CYP2B6: variants seen among roughly 807,000 people sequenced by gnomAD.
The protein encoded by CYP2B6 is cytochrome P450 family 2 subfamily B member 6.
Under a neutral mutation model 43.4 loss-of-function variants are expected in CYP2B6, and 35 were observed. The observed-to-expected ratio is 0.81, with a 90% CI of 0.62 to 1.07. The LOEUF (loss-of-function observed/expected upper bound fraction) is 1.07. Ranked by LOEUF, CYP2B6 falls within the 50% of genes least tolerant of loss-of-function variation. The pLI is 0.00. For missense variants in CYP2B6, 624 were observed against 632.8 expected, an observed-to-expected ratio of 0.99 and a Z score of 0.15; for synonymous variants, 239 against 239.2, an observed-to-expected ratio of 1.00 and a Z score of 0.01.
At chr19:41,002,810 T>C (rs62109056) in intron 1 of CYP2B6, among the ~76,000 whole-genome samples, 1 of 152,060 alleles carries the variant, frequency 6.6e-6, no homozygotes, top group Admixed American at 6.6e-5. Flanking sequence ...GCCTCCCAAA[T>C]TGCTGGGATT....
intron 1 of CYP2B6, among the ~76,000 whole-genome samples, chr19:41,001,739 G>T (rs918994885): frequency 4.6e-5 from 7 of 152,114 alleles, no homozygotes; most frequent in African/African-American, 1.2e-4. Flanking sequence ...AAATAGTCTA[G>T]GAATTGATGA....
At chr19:41,002,294 A>G (rs1304903565) in intron 1 of CYP2B6, among the ~76,000 whole-genome samples, 1 of 152,126 alleles carries the variant, frequency 6.6e-6, no homozygotes, top group East Asian at 1.9e-4. Context: ...CTTTGCAGAG[A>G]TCAATGCAGG....
chr19:40,998,530 G>A (rs1369535415), intron 1 of CYP2B6, among the ~76,000 whole-genome samples: 34 of 145,676 alleles, frequency 2.3e-4, no homozygotes, highest in Admixed American at 2.1e-3. Context: ...CCACTAACTC[G>A]TCATCTAGCA....
intron 8 of CYP2B6, among the ~76,000 whole-genome samples, chr19:41,015,002 T>G (rs1001170807): frequency 1.3e-3 from 202 of 150,768 alleles, no homozygotes; most frequent in African/African-American, 4.7e-3. Context: ...AAAGAAAGAA[T>G]GAGAGAGAAA....
Position 40,991,484 on chromosome 19 carries a change from A to G in CYP2B6, c.171+8A>G, listed in dbSNP as rs767790930. 5.6e-6 allele frequency: 9 copies of G among 1,613,344 alleles called. No homozygotes were observed. In the East Asian group the frequency reaches 1.8e-4, roughly 32 times the overall value. On this transcript the variant is annotated splice_region_variant and intron_variant, in intron 1 of 8. Coordinates refer to ENST00000324071, the MANE Select transcript of CYP2B6 (RefSeq NM_000767.5). ...CTCAAATCCTTTCTGAGGGTAAGAC[A>G]CAGACGAATGGGGTCTGAGGGTGAG... is the stretch of plus-strand genomic sequence containing the variant.
Position 41,009,998 on chromosome 19 carries a change from A to T in CYP2B6, c.827A>T (p.Lys276Ile). The stretch of plus-strand genomic sequence containing the variant: ...CCTTCCCTACTGTGGACGCAGGAGA[A>T]ATCCAACGCACACAGTGAATTCAGC... The part of the protein sequence containing the change: ...DTYLLHMEKE[K>I]SNAHSEFSHQ... The change falls in exon 6 of 9, where the codon AAA becomes ATA. Residue 276 changes from lysine to isoleucine, a missense_variant. Lys to Ile is a moderately radical substitution (Grantham distance 102). Coordinates refer to ENST00000324071, the MANE Select transcript of CYP2B6 (RefSeq NM_000767.5). 1 of 1,614,078 alleles carries T rather than the reference A, an allele frequency of 6.2e-7. No individual in the cohort carries two copies. Among genetic ancestry groups the T allele is most frequent in the Non-Finnish European group, 8.5e-7 (1 of 1,180,014 alleles).
intron 1 of CYP2B6, among the ~76,000 whole-genome samples, chr19:40,994,272 T>C (rs115944946): frequency 0.014 from 2,205 of 152,224 alleles, 31 homozygotes; most frequent in Middle Eastern, 0.034. Context: ...GTTCTGGACC[T>C]GTGAGGAGAA....
At chr19:40,995,685 AT>A (rs1444424059) in intron 1 of CYP2B6, among the ~76,000 whole-genome samples, 4 of 152,322 alleles carry the variant, frequency 2.6e-5, no homozygotes, top group Non-Finnish European at 4.4e-5. Flanking sequence ...CTCTATTACT[AT>A]TTTACAAGAG....
intron 7 of CYP2B6, 48 bp from the exon 8 acceptor site, chr19:41,012,626 G>A (rs1409670646): frequency 1.2e-6 from 2 of 1,612,852 alleles, no homozygotes; most frequent in African/African-American, 1.3e-5. Flanking sequence ...AGTGTGTGGA[G>A]GGTTGGAGGG....
At chr19:41,012,276 A>G in intron 6 of CYP2B6, 22 bp from the exon 7 acceptor site, 2 of 1,612,688 alleles carry the variant, frequency 1.2e-6, no homozygotes, top group Non-Finnish European at 1.7e-6. Flanking sequence ...AATGAGATTC[A>G]TTGGTCTTCT....
rs760463009 is a variant in CYP2B6, at chr19:41,010,048, C to T, written c.877C>T (p.Leu293Phe). 11 of 1,614,168 alleles carry T rather than the reference C, an allele frequency of 6.8e-6. No individual in the cohort carries two copies. The highest frequency in any genetic ancestry group is 1.6e-4 in the Middle Eastern group (1 of 6,062). ...FSHQNLNLNT[L>F]SLFFAGTETT... is the part of the protein sequence containing the mutation. The stretch of plus-strand genomic sequence containing the variant: ...CCACCAGAACCTCAACCTCAACACG[C>T]TCTCGCTCTTCTTTGCTGGCACTGA... The change falls in exon 6 of 9, where the codon CTC (leucine) becomes TTC (phenylalanine). Residue 293 changes from leucine to phenylalanine, a missense_variant. Physicochemically the swap from Leu to Phe is conservative, Grantham distance 22. Transcript: ENST00000324071.
intron 1 of CYP2B6, among the ~76,000 whole-genome samples, chr19:41,001,520 C>A (rs1969087353): frequency 1.3e-5 from 2 of 152,074 alleles, no homozygotes; most frequent in South Asian, 4.1e-4. Flanking sequence ...CAGATTCAAC[C>A]CGTATGCATT....
chr19:41,016,886 A>C lies in CYP2B6; in HGVS notation c.*59A>C. ...GGTCATTCAGTGTCCCCGCCTCTGT[A>C]GACAATGGCTCTGACTCCCCGCAAC... is the stretch of plus-strand genomic sequence containing the variant. On this transcript the variant is annotated 3_prime_UTR_variant, in exon 9 of 9. Coordinates refer to ENST00000324071, the MANE Select transcript of CYP2B6 (RefSeq NM_000767.5). 1 of 1,569,168 alleles carries C rather than the reference A, an allele frequency of 6.4e-7. No individual in the cohort carries two copies. Among genetic ancestry groups the C allele is most frequent in the Non-Finnish European group, 8.7e-7 (1 of 1,151,588 alleles).
At chr19:40,994,130 A>T (rs1487682987) in intron 1 of CYP2B6, among the ~76,000 whole-genome samples, 1 of 152,094 alleles carries the variant, frequency 6.6e-6, no homozygotes. Flanking sequence ...ACAGAAACCA[A>T]CTTATCTTCG....
intron 1 of CYP2B6, among the ~76,000 whole-genome samples, chr19:41,002,629 C>T (rs1384456928): frequency 6.6e-6 from 1 of 152,128 alleles, no homozygotes; most frequent in Non-Finnish European, 1.5e-5. Flanking sequence ...CTCACTGCAA[C>T]CTCCGCCTCC....
Position 40,991,460 on chromosome 19 carries a change from T to C in CYP2B6, c.155T>C (p.Leu52Pro), listed in dbSNP as rs151274228. ...CTGCAGATGGATAGAAGAGGCCTAC[T>C]CAAATCCTTTCTGAGGGTAAGACAC... ...NLLQMDRRGL[L>P]KSFLRFREKY... is the part of the protein sequence containing the mutation. Residue 52 changes from leucine to proline, a missense_variant, in exon 1 of 9, where the codon CTC (leucine) becomes CCC (proline). Transcript: ENST00000324071. 8.1e-6 allele frequency: 13 copies of C among 1,613,722 alleles called. No individual in the cohort carries two copies. The highest frequency in any genetic ancestry group is 1.1e-5 in the Non-Finnish European group (13 of 1,180,026).
rs558958052 is a variant in CYP2B6, at chr19:40,997,437, C to T, written c.171+5961C>T. Among the ~76,000 whole-genome samples, 15 of 152,156 alleles carry T rather than the reference C, an allele frequency of 9.9e-5. No individual in the cohort carries two copies. The East Asian group carries it at 2.3e-3, about 23-fold the overall frequency. ...TGACCATACTCCTGAATCTTAGGCT[C>T]GTTATCCTTTTACTATTAATAGAGT... On this transcript the variant is annotated intron_variant, in intron 1 of 8. Transcript: ENST00000324071.
At chr19:40,994,678 A>C (rs1968974230) in intron 1 of CYP2B6, among the ~76,000 whole-genome samples, 1 of 152,004 alleles carries the variant, frequency 6.6e-6, no homozygotes, top group Non-Finnish European at 1.5e-5. Context: ...CCACACCCCC[A>C]TAGGTAGTCC....
Position 40,991,398 on chromosome 19 carries a change from A to T in CYP2B6, c.93A>T (p.Pro31=). ...QRHPNTHDRL[P]PGPRPLPLLG... is the part of the protein sequence containing the mutation. ...ACCCTAACACCCATGACCGCCTCCC[A>T]CCAGGGCCCCGCCCTCTGCCCCTTT... Residue 31 remains proline (P), a synonymous_variant, in exon 1 of 9, where the codon CCA becomes CCT. Transcript: ENST00000324071. 1 of 1,614,056 alleles carries T rather than the reference A, an allele frequency of 6.2e-7. No individual in the cohort carries two copies. The highest frequency in any genetic ancestry group is 2.2e-5 in the East Asian group (1 of 44,874).
Sources: allele counts gnomAD v4.1 joint callset (sites outside exome capture counted in the v4.1 genomes callset), GRCh38; gene constraint gnomAD v4.1.1; transcripts MANE v1.5; gene names NCBI Gene and HGNC (gene_info 2026-07-23, HGNC 2026-07-21).